Variants in MET observed in about 807,000 individuals in gnomAD.
MET encodes MET proto-oncogene, receptor tyrosine kinase, also known as hepatocyte growth factor receptor.
MET carries 48 observed loss-of-function variants against 133.1 expected under a neutral mutation model. That is an observed-to-expected ratio of 0.36 (90% CI 0.29 to 0.46). The LOEUF (loss-of-function observed/expected upper bound fraction) is 0.46. Ranked by LOEUF, MET falls within the 20% of genes least tolerant of loss-of-function variation. The pLI, the probability that MET is intolerant of heterozygous loss-of-function variation, is 1.00. For missense variants in MET, 1,442 were observed against 1,695.9 expected (o/e 0.85, Z 2.63); for synonymous variants, 628 against 616.5 (o/e 1.02, Z -0.28).
At chr7:116,780,449 A>G (rs1795125224) in intron 17 of MET, among the ~76,000 whole-genome samples, 1 of 152,196 alleles carries the variant, frequency 6.6e-6, no homozygotes, top group Non-Finnish European at 1.5e-5. Context: ...TTGACCTTAC[A>G]AAGCACACAG....
chr7:116,731,753 T>C lies in MET; in HGVS notation c.1286T>C (p.Leu429Ser), dbSNP rs761043122. 3 of 1,614,110 alleles carry C rather than the reference T, an allele frequency of 1.9e-6. No homozygotes were observed. In the Admixed American group the frequency reaches 5.0e-5, roughly 27 times the overall value. ...EFTTALQRVD[L>S]FMGQFSEVLL... Reference sequence around the variant, plus strand: ...ACCACAGCTTTGCAGCGCGTTGACTTATTCATGGGTCAATTCAGCGAAGTC... The same window carrying C: ...ACCACAGCTTTGCAGCGCGTTGACTCATTCATGGGTCAATTCAGCGAAGTC... Residue 429 changes from leucine (L) to serine (S), a missense_variant, in exon 3 of 21, where the codon TTA (leucine) becomes TCA (serine). Leu to Ser is a moderately radical substitution (Grantham distance 145). Around this residue, in one of 6 missense-constraint regions of MET, gnomAD observed 762 missense variants for 792.4 expected, o/e 0.96. Transcript: ENST00000397752.
Position 116,777,398 on chromosome 7 carries a change from G to T in MET, c.3269G>T (p.Gly1090Val). Residue 1090 changes from glycine (G) to valine (V), a missense_variant, in exon 16 of 21, where the codon GGT becomes GTT. By Grantham distance (109) the Gly-to-Val change is moderately radical. This residue lies in a region of MET where 514 missense variants were observed against 659.6 expected (regional missense o/e 0.78). Transcript: ENST00000397752. ...FNEVIGRGHF[G>V]CVYHGTLLDN... is the part of the protein sequence containing the mutation. ...TCTTTCTTTTGCACAGGGCATTTTGGTTGTGTATATCATGGGACTTTGTTG... is the reference window on the plus strand; with the variant it reads ...TCTTTCTTTTGCACAGGGCATTTTGTTTGTGTATATCATGGGACTTTGTTG... 6.2e-7 allele frequency: 1 copy of T among 1,613,782 alleles called. No individual in the cohort carries two copies. Among genetic ancestry groups the T allele is most frequent in the Non-Finnish European group, 8.5e-7 (1 of 1,179,782 alleles).
At chr7:116,782,687 A>G (rs1795191610) in intron 18 of MET, among the ~76,000 whole-genome samples, 1 of 152,182 alleles carries the variant, frequency 6.6e-6, no homozygotes. Context: ...TTAATTTCCT[A>G]CCTTGGTTTT....
At chr7:116,680,479 G>A (rs951610837) in intron 1 of MET, among the ~76,000 whole-genome samples, 1 of 152,082 alleles carries the variant, frequency 6.6e-6, no homozygotes, top group African/African-American at 2.4e-5. Context: ...AGATAATAAA[G>A]GAGAAGGCCT....
chr7:116,736,154 AAAT>A (rs1237636980), intron 3 of MET, among the ~76,000 whole-genome samples: 1 of 152,166 alleles, frequency 6.6e-6, no homozygotes, highest in Non-Finnish European at 1.5e-5. Flanking sequence ...AACTTTTTAT[AAAT>A]AATAATTTCA....
chr7:116,703,670 T>C (rs764341826), intron 2 of MET, among the ~76,000 whole-genome samples: 1 of 152,046 alleles, frequency 6.6e-6, no homozygotes. Context: ...ATATAAGGGA[T>C]TGATTAATGT....
intron 11 of MET, among the ~76,000 whole-genome samples, chr7:116,764,643 C>CA (rs1454429595): frequency 3.9e-5 from 6 of 152,054 alleles, no homozygotes; most frequent in African/African-American, 1.2e-4. Flanking sequence ...ATTAAATACC[C>CA]ATTATTCAAC....
Position 116,791,411 on chromosome 7 carries a change from G to A in MET, c.3799-4244G>A, listed in dbSNP as rs142688112. On this transcript the variant is annotated intron_variant, in intron 19 of 20. Coordinates refer to ENST00000397752, the MANE Select transcript of MET (RefSeq NM_000245.4). The stretch of plus-strand genomic sequence containing the variant: ...AGTCATTCTAATTGGTTGTAGTGCT[G>A]TCTCATTTTCTTTTTAATCTTTATT... Among the ~76,000 whole-genome samples the A allele has an allele frequency of 3.2e-3, 484 of 152,212 alleles. 1 individual carries two copies. The highest frequency in any genetic ancestry group is 6.1e-3 in the Non-Finnish European group (414 of 68,028).
chr7:116,724,857 A>T, intron 2 of MET: 1 of 1,287,000 alleles, frequency 7.8e-7, no homozygotes, highest in Admixed American at 2.3e-5. Context: ...GGTAATGTGA[A>T]CACTCAGTGC....
chr7:116,748,922 G>A (rs1320496007), intron 5 of MET, among the ~76,000 whole-genome samples: 1 of 152,110 alleles, frequency 6.6e-6, no homozygotes, highest in Non-Finnish European at 1.5e-5. Flanking sequence ...TTGAATCCCT[G>A]AATAGACCAA....
chr7:116,727,752 T>C (rs1011390092), intron 2 of MET, among the ~76,000 whole-genome samples: 13 of 152,180 alleles, frequency 8.5e-5, no homozygotes, highest in Admixed American at 8.5e-4. Context: ...CCACCTTAAA[T>C]GCCACATCCA....
intron 11 of MET, among the ~76,000 whole-genome samples, chr7:116,769,353 G>A (rs1390298808): frequency 6.6e-6 from 1 of 152,144 alleles, no homozygotes; most frequent in African/African-American, 2.4e-5. Flanking sequence ...GGTGATGATA[G>A]GTAAGACATC....
chr7:116,701,058 T>C (rs1199069315), intron 2 of MET, among the ~76,000 whole-genome samples: 8 of 152,218 alleles, frequency 5.3e-5, no homozygotes, highest in African/African-American at 1.2e-4. Flanking sequence ...TTTATACTTA[T>C]ATGAAATGGT....
In MET at chr7:116,783,340, T is replaced by C; in HGVS notation, c.3669T>C (p.Phe1223=). ...AATTCACAGTCAAGGTTGCTGATTT[T>C]GGTCTTGCCAGAGACATGTATGATA... is the stretch of plus-strand genomic sequence containing the variant. The part of the protein sequence containing the change: ...DEKFTVKVAD[F]GLARDMYDKE... Residue 1223 remains phenylalanine (F), a synonymous_variant, in exon 19 of 21, where the codon TTT becomes TTC. Transcript: ENST00000397752. 6.2e-7 allele frequency: 1 copy of C among 1,614,194 alleles called. No homozygotes were observed. The highest frequency in any genetic ancestry group is 8.5e-7 in the Non-Finnish European group (1 of 1,180,030).
intron 9 of MET, 23 bp downstream of exon 9, chr7:116,758,643 T>C (rs2116933126): frequency 6.2e-7 from 1 of 1,606,924 alleles, no homozygotes; most frequent in Non-Finnish European, 8.5e-7. Flanking sequence ...TTCTGATGGG[T>C]ATAAGAAAAC....
chr7:116,766,853 A>C lies in MET; in HGVS notation c.2584-2792A>C, dbSNP rs149524847. On this transcript the variant is annotated intron_variant, in intron 11 of 20. Coordinates refer to ENST00000397752, the MANE Select transcript of MET (RefSeq NM_000245.4). ...AGTAAAGGTCCCCAACTAGCCAGCAAAGCCACCAGTTTAATTTTGGTTTGC... is the reference window on the plus strand; with the variant it reads ...AGTAAAGGTCCCCAACTAGCCAGCACAGCCACCAGTTTAATTTTGGTTTGC... Among the ~76,000 whole-genome samples the C allele has an allele frequency of 3.0e-3, 460 of 152,254 alleles. 2 individuals are homozygous for C. Among genetic ancestry groups the C allele is most frequent in the Non-Finnish European group, 4.6e-3 (310 of 67,998 alleles).
At chr7:116,747,136 G>A (rs922260812) in intron 5 of MET, among the ~76,000 whole-genome samples, 7 of 152,066 alleles carry the variant, frequency 4.6e-5, no homozygotes, top group African/African-American at 1.7e-4. Flanking sequence ...AGCTCCTGAA[G>A]GAAGCACAAA....
chr7:116,688,685 A>C (rs1401848948), intron 1 of MET, among the ~76,000 whole-genome samples: 1 of 152,238 alleles, frequency 6.6e-6, no homozygotes, highest in Non-Finnish European at 1.5e-5. Flanking sequence ...ATATGAATTT[A>C]TAAAGGATAA....
intron 1 of MET, among the ~76,000 whole-genome samples, chr7:116,693,665 A>G (rs558561366): frequency 1.3e-5 from 2 of 152,294 alleles, no homozygotes; most frequent in Admixed American, 6.5e-5. Context: ...AAGGGCCTCC[A>G]TAGACATTTC....
Sources: gnomAD v4.1 joint callset for allele counts (sites outside exome capture counted in the v4.1 genomes callset) on GRCh38, gnomAD v4.1.1 for gene constraint, gnomAD v4.1.1 regional missense constraint, MANE v1.5 for transcripts, NCBI Gene and HGNC (gene_info 2026-07-23, HGNC 2026-07-21) for gene names.